Variants in CASK observed in about 807,000 individuals in gnomAD.
CASK encodes peripheral plasma membrane protein CASK.
A neutral mutation model predicts 82.9 loss-of-function variants in CASK; 4 were observed. The observed-to-expected ratio is 0.05, with a 90% CI of 0.02 to 0.11. The LOEUF is 0.11. CASK is among the 10% of genes least tolerant of loss of function. The probability of loss-of-function intolerance (pLI) is 1.00; values close to 1 mark genes in which losing one functional copy is unlikely to be tolerated. For synonymous variants in CASK, 259 were observed against 253.5 expected (o/e 1.02, Z -0.20); for missense variants, 358 against 720.9 (o/e 0.50, Z 5.76).
intron 5 of CASK, chrX:41,727,239 G>T: frequency 8.3e-7 from 1 of 1,206,359 alleles, no homozygotes; most frequent in Non-Finnish European, 1.1e-6. Context: ...TGCCTTTCAT[G>T]AGTATCTATT....
intron 16 of CASK, chrX:41,562,444 C>T (rs751267083): frequency 2.7e-5 from 3 of 111,961 alleles, no homozygotes; most frequent in Non-Finnish European, 5.6e-5. Context: ...ATCTTAAGTA[C>T]ACGTGGGCCA....
chrX:41,542,839 T>C, intron 21 of CASK, 33 bp from the exon 22 acceptor site: 1 of 878,420 alleles, frequency 1.1e-6, no homozygotes, highest in African/African-American at 2.0e-5. Context: ...TAAAATAAAA[T>C]GAATTTATAA....
At chrX:41,900,427 T>C (rs2072348884) in intron 1 of CASK, among the ~76,000 whole-genome samples, 1 of 110,988 alleles carries the variant, frequency 9.0e-6, no homozygotes, top group African/African-American at 3.3e-5. Flanking sequence ...CCATAGGCTG[T>C]CTTCACTCTT....
chrX:41,854,223 C>T (rs1022110640), intron 1 of CASK, among the ~76,000 whole-genome samples: 1 of 52,704 alleles, frequency 1.9e-5, no homozygotes, highest in Non-Finnish European at 4.8e-5. Context: ...CGCGGGCGCG[C>T]GCACACACAC....
chrX:41,740,071 T>C (rs779650675), intron 4 of CASK, among the ~76,000 whole-genome samples: 3 of 112,150 alleles, frequency 2.7e-5, no homozygotes, highest in Non-Finnish European at 3.8e-5. Flanking sequence ...GGAGCCCTCA[T>C]GGAGCACAGG....
At chrX:41,812,125 A>G (rs754975404) in intron 2 of CASK, among the ~76,000 whole-genome samples, 2 of 111,770 alleles carry the variant, frequency 1.8e-5, no homozygotes, top group East Asian at 5.6e-4. Context: ...AAAGTCCAGG[A>G]CCCGACAGAT....
chrX:41,905,860 T>C (rs988700346), intron 1 of CASK, among the ~76,000 whole-genome samples: 2 of 113,034 alleles, frequency 1.8e-5, no homozygotes, highest in African/African-American at 6.4e-5. Context: ...ATAGATCAAG[T>C]AAGCCAGTCA....
intron 6 of CASK, among the ~76,000 whole-genome samples, chrX:41,667,942 T>G (rs1187170168): frequency 8.9e-6 from 1 of 111,890 alleles, no homozygotes; most frequent in Non-Finnish European, 1.9e-5. Flanking sequence ...CAAGTTTTGG[T>G]GTCTGCTCAG....
chrX:41,757,523 CGTAT>C (rs2068920920), intron 3 of CASK, among the ~76,000 whole-genome samples: 1 of 112,121 alleles, frequency 8.9e-6, no homozygotes, highest in Non-Finnish European at 1.9e-5. Flanking sequence ...TTTGTGTGTA[CGTAT>C]GTATTTATTT....
intron 2 of CASK, among the ~76,000 whole-genome samples, chrX:41,799,544 C>CA (rs771840954): frequency 1.8e-5 from 2 of 108,328 alleles, no homozygotes; most frequent in Non-Finnish European, 3.8e-5. Context: ...GACTCTGTCT[C>CA]AGAAAAAACC....
At chrX:41,631,055 C>A (rs2066457667) in intron 9 of CASK, among the ~76,000 whole-genome samples, 1 of 110,946 alleles carries the variant, frequency 9.0e-6, no homozygotes, top group Admixed American at 9.7e-5. Context: ...GGTCTAAAAC[C>A]TTTAATTTCA....
chrX:41,702,567 G>A (rs1048517468), intron 5 of CASK, among the ~76,000 whole-genome samples: 9 of 110,976 alleles, frequency 8.1e-5, no homozygotes, highest in East Asian at 5.7e-4. Flanking sequence ...AGGCCAAGGC[G>A]GGCAGATCAC....
At chrX:41,621,133 A>C (rs928937272) in intron 11 of CASK, among the ~76,000 whole-genome samples, 1 of 110,453 alleles carries the variant, frequency 9.1e-6, no homozygotes, top group Non-Finnish European at 1.9e-5. Flanking sequence ...AAAAAAAAAA[A>C]AAAGAGGAGC....
At chrX:41,780,417 T>A (rs1198903420) in intron 3 of CASK, among the ~76,000 whole-genome samples, 1 of 111,556 alleles carries the variant, frequency 9.0e-6, no homozygotes, top group Admixed American at 9.6e-5. Context: ...AGGTCAATCA[T>A]CTCTTGACCT....
intron 21 of CASK, chrX:41,552,929 G>T (rs2065118606): frequency 9.0e-6 from 1 of 111,720 alleles, no homozygotes; most frequent in Non-Finnish European, 1.9e-5. Flanking sequence ...GAACTGGCAG[G>T]ATGCTTAATG....
chrX:41,584,236 G>A (rs1223580018), intron 14 of CASK: 1 of 112,819 alleles, frequency 8.9e-6, no homozygotes. Flanking sequence ...TAGGCACTAA[G>A]CATATGTCAA....
intron 5 of CASK, among the ~76,000 whole-genome samples, chrX:41,677,459 T>C (rs1367959870): frequency 8.9e-6 from 1 of 111,943 alleles, no homozygotes; most frequent in Non-Finnish European, 1.9e-5. Context: ...AAGAAACTTT[T>C]TCAAGTAGGA....
intron 5 of CASK, among the ~76,000 whole-genome samples, chrX:41,688,448 C>T (rs1407991452): frequency 8.9e-6 from 1 of 112,054 alleles, no homozygotes; most frequent in African/African-American, 3.2e-5. Flanking sequence ...ATCATTATTT[C>T]GCTTAAAATA....
At chrX:41,746,849 AT>A (rs1424769408) in intron 3 of CASK, among the ~76,000 whole-genome samples, 1 of 111,525 alleles carries the variant, frequency 9.0e-6, no homozygotes, top group African/African-American at 3.3e-5. Flanking sequence ...TTTTCAAATA[AT>A]TTGTCTAAGT....
Sources: gnomAD v4.1 joint callset for allele counts (sites outside exome capture counted in the v4.1 genomes callset) on GRCh38, gnomAD v4.1.1 for gene constraint, MANE v1.5 for transcripts, NCBI Gene and HGNC (gene_info 2026-07-23, HGNC 2026-07-21) for gene names.